Variants in INPP4B observed in about 807,000 individuals in gnomAD.
INPP4B encodes the protein inositol polyphosphate-4-phosphatase type II B.
In INPP4B, 55 loss-of-function variants were observed where a neutral mutation model predicts 122.5. The ratio of observed to expected loss-of-function variants is 0.45; its 90% confidence interval spans 0.36 to 0.56. The LOEUF is 0.56. Ranked by LOEUF, INPP4B falls within the 20% of genes least tolerant of loss-of-function variation. The pLI is 0.00. For missense variants in INPP4B, 1,000 were observed against 1,097.7 expected (o/e 0.91, Z 1.26); for synonymous variants, 403 against 388.7 (o/e 1.04, Z -0.43).
At chr4:142,532,403 T>C (rs931158131) in intron 2 of INPP4B, among the ~76,000 whole-genome samples, 7 of 152,134 alleles carry the variant, frequency 4.6e-5, no homozygotes, top group African/African-American at 1.7e-4. Context: ...AAGTCTCTGG[T>C]CGTTCTGCTT....
intron 2 of INPP4B, among the ~76,000 whole-genome samples, chr4:142,661,318 G>A (rs1157297046): frequency 2.6e-5 from 4 of 152,048 alleles, no homozygotes; most frequent in Non-Finnish European, 5.9e-5. Flanking sequence ...AAAACATATG[G>A]GCAGTAATAA....
rs115076531 is a variant in INPP4B, at chr4:142,472,463, T to G, written c.-190-9737A>C. 4.5e-3 allele frequency among the ~76,000 whole-genome samples: 681 copies of G among 152,296 alleles called. 8 individuals carry two copies. The highest frequency in any genetic ancestry group is 0.015 in the African/African-American group (636 of 41,566). ...CTCTGGAAGAAAAGCAGACATTCTGTCTCTTGATTATATGACTGTTAAAAG... is the reference window on the plus strand; with the variant it reads ...CTCTGGAAGAAAAGCAGACATTCTGGCTCTTGATTATATGACTGTTAAAAG... On this transcript the variant is annotated intron_variant, in intron 2 of 25. Coordinates refer to ENST00000262992, the MANE Select transcript of INPP4B (RefSeq NM_001101669.3).
intron 23 of INPP4B, among the ~76,000 whole-genome samples, chr4:142,086,914 C>A (rs568101380): frequency 2.6e-5 from 4 of 151,988 alleles, no homozygotes; most frequent in African/African-American, 9.6e-5. Context: ...CCTTTTTTTG[C>A]CATTGAGTAG....
chr4:142,599,592 A>G (rs2150289771), intron 2 of INPP4B, among the ~76,000 whole-genome samples: 1 of 152,292 alleles, frequency 6.6e-6, no homozygotes, highest in Non-Finnish European at 1.5e-5. Context: ...AGAAGCACAG[A>G]CAGCAACATA....
chr4:142,713,939 T>C (rs1763428153), intron 2 of INPP4B, among the ~76,000 whole-genome samples: 1 of 152,190 alleles, frequency 6.6e-6, no homozygotes, highest in Non-Finnish European at 1.5e-5. Context: ...TGTGCTTCAT[T>C]GAAAGCTAGT....
intron 8 of INPP4B, among the ~76,000 whole-genome samples, chr4:142,312,148 G>C (rs1054238204): frequency 6.6e-6 from 1 of 152,114 alleles, no homozygotes; most frequent in Non-Finnish European, 1.5e-5. Flanking sequence ...AGATGAAGAC[G>C]CAATGTAATA....
In INPP4B at chr4:142,124,691, C is replaced by A. The variant is rs777966937; in HGVS notation, c.1790G>T (p.Arg597Leu). The A allele has an allele frequency of 6.2e-7, 1 of 1,612,276 alleles. No individual in the cohort carries two copies. Residue 597 changes from arginine (R) to leucine (L), a missense_variant, in exon 19 of 26, where the codon CGA becomes CTA. Physicochemically the swap from Arg to Leu is moderately radical, Grantham distance 102. Coordinates refer to ENST00000262992, the MANE Select transcript of INPP4B (RefSeq NM_001101669.3). The part of the protein sequence containing the change: ...LKDCMGEVVN[R>L]AKQSLTFVLL... ...CACAAATGTCAGGGACTGCTTGGCT[C>A]GGTTCACCACTTCTCCCATGCAGTC...
chr4:142,039,438 A>G (rs1460651673), intron 25 of INPP4B, among the ~76,000 whole-genome samples: 1 of 152,172 alleles, frequency 6.6e-6, no homozygotes, highest in African/African-American at 2.4e-5. Context: ...AAATAGGAAT[A>G]TCCTCTCATC....
chr4:142,327,851 G>C (rs1190390579), intron 7 of INPP4B, among the ~76,000 whole-genome samples: 2 of 152,122 alleles, frequency 1.3e-5, no homozygotes, highest in African/African-American at 4.8e-5. Flanking sequence ...TTTCTTCCCA[G>C]GTTATGTGGC....
intron 2 of INPP4B, among the ~76,000 whole-genome samples, chr4:142,711,520 C>T (rs892803645): frequency 2.0e-5 from 3 of 147,034 alleles, no homozygotes; most frequent in Admixed American, 6.8e-5. Flanking sequence ...TATTATTATT[C>T]TTATCATGGT....
At chr4:142,168,168 T>C (rs1823792382) in intron 16 of INPP4B, among the ~76,000 whole-genome samples, 1 of 151,554 alleles carries the variant, frequency 6.6e-6, no homozygotes, top group Non-Finnish European at 1.5e-5. Context: ...TGAGTTTATT[T>C]TTCTATATTT....
At position 142,772,164 on chromosome 4, in the gene INPP4B, T is replaced by C. The variant is rs527990783; in HGVS notation, c.-253-46263A>G. On this transcript the variant is annotated intron_variant, in intron 1 of 25. Transcript: ENST00000262992. ...AATTTGTGAGTCATCAGGGAATAGA[T>C]GGTTTTGAAACGATCTTAATAAGGC... Among the ~76,000 whole-genome samples the C allele has an allele frequency of 7.2e-5, 11 of 152,258 alleles. No individual in the cohort carries two copies. The East Asian group carries it at 1.9e-3, about 27-fold the overall frequency.
rs958046421 is a variant in INPP4B, at chr4:142,300,456, G to A, written c.503+5002C>T. On this transcript the variant is annotated intron_variant, in intron 9 of 25. Coordinates refer to ENST00000262992, the MANE Select transcript of INPP4B (RefSeq NM_001101669.3). ...TGTATGTTCATGTGTGTGTATTTAA[G>A]GAGGCTAATTAACCAAAATGCCAAA... Among the ~76,000 whole-genome samples the A allele has an allele frequency of 3.9e-5, 6 of 152,160 alleles. No individual in the cohort carries two copies. The South Asian group carries it at 1.2e-3, about 32-fold the overall frequency.
At chr4:142,468,876 T>C (rs888585048) in intron 2 of INPP4B, among the ~76,000 whole-genome samples, 5 of 152,206 alleles carry the variant, frequency 3.3e-5, no homozygotes, top group Non-Finnish European at 7.3e-5. Flanking sequence ...CAACAGGTTT[T>C]CATGGGTTCT....
At chr4:142,121,961 G>C (rs1296993420) in intron 21 of INPP4B, among the ~76,000 whole-genome samples, 167 bp downstream of exon 21, 1 of 152,002 alleles carries the variant, frequency 6.6e-6, no homozygotes, top group East Asian at 1.9e-4. Flanking sequence ...AGTTTTTTGA[G>C]ATTGTCCCCT....
chr4:142,545,176 G>A (rs558206908), intron 2 of INPP4B, among the ~76,000 whole-genome samples: 8 of 152,158 alleles, frequency 5.3e-5, no homozygotes, highest in Non-Finnish European at 1.2e-4. Context: ...AAGGAAAATG[G>A]CACTTATATT....
chr4:142,436,444 A>T (rs1440594871), intron 3 of INPP4B, among the ~76,000 whole-genome samples: 2 of 152,090 alleles, frequency 1.3e-5, no homozygotes, highest in African/African-American at 4.8e-5. Context: ...TTCCCATGCC[A>T]CCCAACTGGG....
At chr4:142,670,409 T>C (rs1239433031) in intron 2 of INPP4B, among the ~76,000 whole-genome samples, 1 of 151,972 alleles carries the variant, frequency 6.6e-6, no homozygotes, top group Non-Finnish European at 1.5e-5. Context: ...TGTCCATCAG[T>C]GGATAAATAG....
At chr4:142,804,569 C>T (rs1191382204) in intron 1 of INPP4B, among the ~76,000 whole-genome samples, 2 of 152,104 alleles carry the variant, frequency 1.3e-5, no homozygotes, top group Non-Finnish European at 2.9e-5. Flanking sequence ...TTTTGATTCC[C>T]TTTCCTTTCT....
Sources: allele counts gnomAD v4.1 joint callset (sites outside exome capture counted in the v4.1 genomes callset), GRCh38; gene constraint gnomAD v4.1.1; transcripts MANE v1.5; gene names NCBI Gene and HGNC (gene_info 2026-07-23, HGNC 2026-07-21).